KCNH2: variants seen among roughly 807,000 people sequenced by gnomAD.
KCNH2 encodes the protein potassium voltage-gated channel subfamily H member 2.
A neutral mutation model predicts 95.9 loss-of-function variants in KCNH2; 35 were observed. The ratio of observed to expected loss-of-function variants is 0.37; its 90% CI spans 0.28 to 0.48. KCNH2 has a LOEUF of 0.48. KCNH2 is among the 20% of genes least tolerant of loss of function. The pLI, the probability that KCNH2 is intolerant of heterozygous loss-of-function variation, is 0.99. For missense variants in KCNH2, 1,274 were observed against 1,702.9 expected, an observed-to-expected ratio of 0.75 and a Z score of 4.43; for synonymous variants, 786 against 754.7, an observed-to-expected ratio of 1.04 and a Z score of -0.68.
At chr7:150,975,091 C>T (rs1801948187) in intron 1 of KCNH2, 150 bp from the exon 2 acceptor site, 1 of 678,590 alleles carries the variant, frequency 1.5e-6, no homozygotes, top group Non-Finnish European at 2.4e-6. Flanking sequence ...AGGGGGCGAA[C>T]GCAGCTGTGC....
intron 1 of KCNH2, among the ~76,000 whole-genome samples, chr7:150,976,925 G>A (rs1036967487): frequency 6.6e-6 from 1 of 151,960 alleles, no homozygotes; most frequent in Non-Finnish European, 1.5e-5. Context: ...ACAAGCACGC[G>A]TTGTCCTGTG....
chr7:150,969,928 TA>T (rs1369454610), intron 2 of KCNH2, among the ~76,000 whole-genome samples: 1 of 152,114 alleles, frequency 6.6e-6, no homozygotes, highest in Non-Finnish European at 1.5e-5. Context: ...GAGGGGACTT[TA>T]GGGGAGCACC....
Position 150,957,274 on chromosome 7 carries a change from G to A in KCNH2, c.1128+17C>T, listed in dbSNP as rs369273560. 118 of 1,551,602 alleles carry A rather than the reference G, an allele frequency of 7.6e-5. No homozygotes were observed. The highest frequency in any genetic ancestry group is 9.3e-5 in the Non-Finnish European group (107 of 1,145,868). ...CTCCTCCAAGGTGAGAGGAGAGCCCGGCCGCTGGGCGCCTACCTGGGTGAC... is the reference window on the plus strand; with the variant it reads ...CTCCTCCAAGGTGAGAGGAGAGCCCAGCCGCTGGGCGCCTACCTGGGTGAC... On this transcript the variant is annotated intron_variant, in intron 5 of 14. Coordinates refer to ENST00000262186, the MANE Select transcript of KCNH2 (RefSeq NM_000238.4).
In KCNH2 at chr7:150,959,750, G is replaced by A; in HGVS notation, c.308-14C>T. ...GGAAGCAGCTCCCTGCAGAGTGGGAGGACATAGCCCCCTTGGCACCCACTC... is the reference window on the plus strand; with the variant it reads ...GGAAGCAGCTCCCTGCAGAGTGGGAAGACATAGCCCCCTTGGCACCCACTC... On this transcript the variant is annotated splice_polypyrimidine_tract_variant and intron_variant, in intron 2 of 14. Transcript: ENST00000262186. 6.2e-7 allele frequency: 1 copy of A among 1,614,132 alleles called. No individual in the cohort carries two copies. Among genetic ancestry groups the A allele is most frequent in the South Asian group, 1.1e-5 (1 of 91,078 alleles).
chr7:150,947,345 G>C lies in KCNH2; in HGVS notation c.3135C>G (p.Leu1045=). Residue 1045 remains leucine, a synonymous_variant, in exon 13 of 15, where the codon CTC becomes CTG. Coordinates refer to ENST00000262186, the MANE Select transcript of KCNH2 (RefSeq NM_000238.4). ...TCCCTCACCTGTTGAGCTGGCGCTG[G>C]AGGGCATCCAGCCTGCTCTCCACGT... ...RGDVESRLDA[L]QRQLNRLETR... is the part of the protein sequence containing the mutation. The C allele has an allele frequency of 6.5e-7, 1 of 1,544,090 alleles. No homozygotes were observed. Among genetic ancestry groups the C allele is most frequent in the Non-Finnish European group, 8.7e-7 (1 of 1,146,894 alleles).
intron 1 of KCNH2, among the ~76,000 whole-genome samples, chr7:150,976,739 C>CG (rs1554431242): frequency 2.6e-5 from 4 of 151,304 alleles, no homozygotes; most frequent in African/African-American, 7.3e-5. Context: ...CACCCCCCCC[C>CG]ACATCCATCC....
chr7:150,977,943 C>T lies in KCNH2; in HGVS notation c.-30G>A. The T allele has an allele frequency of 1.3e-6, 2 of 1,510,484 alleles. No individual in the cohort carries two copies. Among genetic ancestry groups the T allele is most frequent in the Non-Finnish European group, 1.8e-6 (2 of 1,116,232 alleles). The allele number at this position is 1,510,484 out of a possible 1,614,324, so 93.6% of individuals were successfully genotyped here. A position where few individuals can be genotyped will look rare whatever the true frequency, so the allele number is the denominator to read the frequency against. ...AGCCCATGGGCGGGCCGGGCGGGCC[C>T]CCACCCACCCCGGCCCGGCCCGGCC... is the stretch of plus-strand genomic sequence containing the variant. On this transcript the variant is annotated 5_prime_UTR_variant, in exon 1 of 15. Coordinates refer to ENST00000262186, the MANE Select transcript of KCNH2 (RefSeq NM_000238.4).
intron 13 of KCNH2, 64 bp from the exon 14 acceptor site, chr7:150,947,118 T>TGGGGAA: frequency 4.9e-6 from 1 of 203,416 alleles, no homozygotes. Context: ...CCACCGGGAG[T>TGGGGAA]GGGGAAGGGG....
At chr7:150,964,130 C>T (rs1177033779) in intron 2 of KCNH2, among the ~76,000 whole-genome samples, 1 of 152,218 alleles carries the variant, frequency 6.6e-6, no homozygotes, top group Non-Finnish European at 1.5e-5. Context: ...CAGGCCTTAT[C>T]TCCCATGTCA....
At chr7:150,953,030 A>C (rs1474592885) in intron 5 of KCNH2, among the ~76,000 whole-genome samples, 177 bp from the exon 6 acceptor site, 1 of 152,148 alleles carries the variant, frequency 6.6e-6, no homozygotes. Flanking sequence ...AGGTTTGGGC[A>C]TCATGGTTCC....
At chr7:150,959,938 C>T (rs1195462170) in intron 2 of KCNH2, among the ~76,000 whole-genome samples, 1 of 152,214 alleles carries the variant, frequency 6.6e-6, no homozygotes, top group Non-Finnish European at 1.5e-5. Flanking sequence ...CTGTCTACCC[C>T]AGCTTGTTGC....
rs199473544 is a variant in KCNH2 at position 150,947,368 on chromosome 7, C to T, written c.3112G>A (p.Val1038Met). The part of the protein sequence containing the change: ...SSPGRRPRGD[V>M]ESRLDALQRQ... Reference sequence around the variant, plus strand: ...TGGAGGGCATCCAGCCTGCTCTCCACGTCGCCCCGGGGCCGCCGACCCGGG... The same window carrying T: ...TGGAGGGCATCCAGCCTGCTCTCCATGTCGCCCCGGGGCCGCCGACCCGGG... The change falls in exon 13 of 15, where the codon GTG becomes ATG. Residue 1038 changes from valine (V) to methionine (M), a missense_variant. Physicochemically the swap from Val to Met is conservative, Grantham distance 21. Coordinates refer to ENST00000262186, the MANE Select transcript of KCNH2 (RefSeq NM_000238.4). 3.7e-5 allele frequency: 58 copies of T among 1,546,754 alleles called. No individual in the cohort carries two copies. In the East Asian group the frequency reaches 4.9e-4, roughly 13 times the overall value.
At chr7:150,950,480 C>T (rs1777794081) in intron 8 of KCNH2, 60 bp from the exon 9 acceptor site, 3 of 1,590,540 alleles carry the variant, frequency 1.9e-6, no homozygotes, top group Non-Finnish European at 1.7e-6. Context: ...AACCCACACT[C>T]TACTCCACCA....
At chr7:150,951,322 G>A (rs1360245452) in intron 7 of KCNH2, 126 bp downstream of exon 7, 11 of 1,256,178 alleles carry the variant, frequency 8.8e-6, no homozygotes, top group East Asian at 7.1e-5. Context: ...ACCATGTCAC[G>A]ATGGTGGCCC....
chr7:150,960,632 T>C (rs2117016133), intron 2 of KCNH2, among the ~76,000 whole-genome samples: 1 of 152,338 alleles, frequency 6.6e-6, no homozygotes, highest in East Asian at 1.9e-4. Context: ...TACCAGCCTA[T>C]AACATATTAG....
chr7:150,952,968 C>T lies in KCNH2; in HGVS notation c.1129-115G>A. ...ATGAGGAGGAGGCCAAAAAAAGCTTCCATCAGAATGCCCACCCCTCAGCCA... is the reference window on the plus strand; with the variant it reads ...ATGAGGAGGAGGCCAAAAAAAGCTTTCATCAGAATGCCCACCCCTCAGCCA... On this transcript the variant is annotated intron_variant, in intron 5 of 14. Transcript: ENST00000262186. The surrounding 1 kb of genome is among the most constrained non-coding windows in gnomAD (Gnocchi z 7.3). 9.8e-7 allele frequency: 1 copy of T among 1,015,542 alleles called. No homozygotes were observed. The highest frequency in any genetic ancestry group is 1.5e-6 in the Non-Finnish European group (1 of 688,216). 62.9% of individuals were successfully genotyped at this position (1,015,542 alleles called of 1,614,324 possible).
At chr7:150,963,517 C>A (rs762917116) in intron 2 of KCNH2, among the ~76,000 whole-genome samples, 50 of 152,170 alleles carry the variant, frequency 3.3e-4, no homozygotes, top group Non-Finnish European at 6.0e-4. Flanking sequence ...CAATGAGAGG[C>A]CCCAGGGCCA....
At chr7:150,949,923 CTGTT>C (rs1447609670) in intron 9 of KCNH2, 3 of 1,508,586 alleles carry the variant, frequency 2.0e-6, no homozygotes, top group East Asian at 2.7e-5. Flanking sequence ...CAAAAAGTGT[CTGTT>C]TGTGGCGGAT....
At chr7:150,969,925 C>T (rs1325793207) in intron 2 of KCNH2, among the ~76,000 whole-genome samples, 1 of 152,118 alleles carries the variant, frequency 6.6e-6, no homozygotes, top group African/African-American at 2.4e-5. Context: ...ATGGAGGGGA[C>T]TTTAGGGGAG....
Sources: gnomAD v4.1 joint callset for allele counts (sites outside exome capture counted in the v4.1 genomes callset) on GRCh38, gnomAD v4.1.1 for gene constraint, Gnocchi (gnomAD v3.1) non-coding constraint, MANE v1.5 for transcripts, NCBI Gene and HGNC (gene_info 2026-07-23, HGNC 2026-07-21) for gene names.